Variants in SYCP2 observed in about 807,000 individuals in gnomAD.
SYCP2 encodes synaptonemal complex lateral element protein.
SYCP2 carries 55 observed loss-of-function variants against 211.3 expected under a neutral mutation model. The observed-to-expected ratio is 0.26, with a 90% confidence interval of 0.21 to 0.33. The LOEUF is 0.33. Among genes scored for constraint, SYCP2 ranks in the 10% least tolerant of loss-of-function variants. SYCP2 has a pLI of 1.00. For missense variants in SYCP2, 1,731 were observed against 1,752.0 expected (o/e 0.99, Z 0.21); for synonymous variants, 570 against 555.2 (o/e 1.03, Z -0.37).
chr20:59,899,055 T>C (rs977777079), intron 18 of SYCP2, among the ~76,000 whole-genome samples: 6 of 152,086 alleles, frequency 3.9e-5, no homozygotes, highest in African/African-American at 1.2e-4. Context: ...GATACTGATA[T>C]TTAAGGAAAA....
rs756656671 is a variant in SYCP2 at position 59,870,018 on chromosome 20, G to A, written c.3556-35C>T. ...AAGACATACAAAAACCCAATAAGAAGTTACAAAATTGTTCAAAGCCCCCCA... is the reference window on the plus strand; with the variant it reads ...AAGACATACAAAAACCCAATAAGAAATTACAAAATTGTTCAAAGCCCCCCA... On this transcript the variant is annotated intron_variant, in intron 35 of 44. Coordinates refer to ENST00000357552, the MANE Select transcript of SYCP2 (RefSeq NM_014258.4). 3 of 1,421,292 alleles carry A rather than the reference G, an allele frequency of 2.1e-6. No homozygotes were observed. In the Admixed American group the frequency reaches 6.5e-5, roughly 31 times the overall value. 88.0% of individuals were successfully genotyped at this position (1,421,292 alleles called of 1,614,324 possible). A position where few individuals can be genotyped will look rare whatever the true frequency, so the allele number is the denominator to read the frequency against.
At position 59,922,476 on chromosome 20, in the gene SYCP2, A is replaced by G. The variant is rs1455830173; in HGVS notation, c.-46-17T>C. 7 of 1,237,754 alleles carry G rather than the reference A, an allele frequency of 5.7e-6. No homozygotes were observed. Among genetic ancestry groups the G allele is most frequent in the African/African-American group, 3.1e-5 (2 of 64,392 alleles). The allele number at this position is 1,237,754 out of a possible 1,614,324, so 76.7% of individuals were successfully genotyped here. The stretch of plus-strand genomic sequence containing the variant: ...AATAAACACCTATAAAAGAAAACAT[A>G]TATTTTCTGTATCTCACAATCTGTT... On this transcript the variant is annotated splice_polypyrimidine_tract_variant and intron_variant, in intron 2 of 44. Coordinates refer to ENST00000357552, the MANE Select transcript of SYCP2 (RefSeq NM_014258.4).
rs565054964 is a variant in SYCP2 at position 59,866,870 on chromosome 20, T to C, written c.4126-281A>G. Among the ~76,000 whole-genome samples, 3 of 151,792 alleles carry C rather than the reference T, an allele frequency of 2.0e-5. No individual in the cohort carries two copies. The Admixed American group carries it at 2.0e-4, about 10-fold the overall frequency. ...GTATTTACAAAAATGCTGATGGTTA[T>C]AATTCTCTTCAAAGACACAGCCTAA... On this transcript the variant is annotated intron_variant, in intron 39 of 44. Coordinates refer to ENST00000357552, the MANE Select transcript of SYCP2 (RefSeq NM_014258.4).
chr20:59,870,092 T>A (rs2059422028), intron 35 of SYCP2, 109 bp from the exon 36 acceptor site: 1 of 648,100 alleles, frequency 1.5e-6, no homozygotes, highest in Non-Finnish European at 2.5e-6. Flanking sequence ...ACTGCAAAAC[T>A]ACTAATTCAC....
rs1219288708 is a variant in SYCP2, at chr20:59,874,965, A to T, written c.3349+306T>A. Among the ~76,000 whole-genome samples, 8 of 148,138 alleles carry T rather than the reference A, an allele frequency of 5.4e-5. No individual in the cohort carries two copies. In the South Asian group the frequency reaches 1.0e-3, roughly 19 times the overall value. On this transcript the variant is annotated intron_variant, in intron 34 of 44. Coordinates refer to ENST00000357552, the MANE Select transcript of SYCP2 (RefSeq NM_014258.4). ...CATGTTATTAAATATATATTGAGCT[A>T]AAAAAAAGCACATTAAAATTAAGTA...
At chr20:59,881,878 A>G (rs1483222354) in intron 28 of SYCP2, 67 bp downstream of exon 28, 1 of 1,274,008 alleles carries the variant, frequency 7.8e-7, no homozygotes, top group Non-Finnish European at 1.1e-6. Context: ...CATTCTATGT[A>G]ATAACTGCAT....
chr20:59,917,257 C>T (rs1426125000), intron 7 of SYCP2, among the ~76,000 whole-genome samples: 1 of 152,084 alleles, frequency 6.6e-6, no homozygotes, highest in African/African-American at 2.4e-5. Flanking sequence ...TAAAGACCAA[C>T]ACATCTTAAC....
chr20:59,878,929 A>ACTT (rs2059611761), intron 31 of SYCP2, among the ~76,000 whole-genome samples: 1 of 152,152 alleles, frequency 6.6e-6, no homozygotes. Flanking sequence ...TAATCTTGGC[A>ACTT]ATAAGTCAAC....
At position 59,921,434 on chromosome 20, in the gene SYCP2, T is replaced by C. The variant is rs1166680876; in HGVS notation, c.44A>G (p.Asp15Gly). 1.9e-6 allele frequency: 3 copies of C among 1,602,344 alleles called. No homozygotes were observed. The change falls in exon 4 of 45, where the codon GAT becomes GGT. Residue 15 changes from aspartate (D) to glycine (G), a missense_variant. Coordinates refer to ENST00000357552, the MANE Select transcript of SYCP2 (RefSeq NM_014258.4). ...PDLQQLEKCI[D>G]DALRKNDFKP... The stretch of plus-strand genomic sequence containing the variant: ...GAAATCATTTTTTCTTAAAGCATCA[T>C]CAATGCATTTTTCCAACTGCTAGAG...
chr20:59,890,832 T>A (rs1273936346), intron 24 of SYCP2, among the ~76,000 whole-genome samples: 1 of 148,186 alleles, frequency 6.7e-6, no homozygotes, highest in African/African-American at 2.6e-5. Context: ...ATTTAAAATT[T>A]AAATTTAAAG....
intron 43 of SYCP2, 48 bp downstream of exon 43, chr20:59,865,525 C>A (rs762621496): frequency 3.8e-6 from 6 of 1,573,188 alleles, no homozygotes; most frequent in South Asian, 2.3e-5. Context: ...TTAACAAATT[C>A]TTTTTGTAAT....
intron 15 of SYCP2, among the ~76,000 whole-genome samples, chr20:59,905,894 G>C (rs576710212): frequency 1.2e-3 from 189 of 152,216 alleles, no homozygotes; most frequent in Non-Finnish European, 2.3e-3. Flanking sequence ...GCAACAAAAG[G>C]AAAGGAGGGA....
chr20:59,877,945 AT>A, intron 32 of SYCP2, 62 bp downstream of exon 32: 4 of 1,293,504 alleles, frequency 3.1e-6, no homozygotes. Context: ...ATGATGAATT[AT>A]TTTTATATGG....
chr20:59,913,247 C>T (rs1480818798), intron 12 of SYCP2, among the ~76,000 whole-genome samples: 1 of 152,090 alleles, frequency 6.6e-6, no homozygotes, highest in Non-Finnish European at 1.5e-5. Context: ...ATTAATATAA[C>T]AGCTAAGGAA....
At chr20:59,902,378 A>T (rs1450865789) in intron 15 of SYCP2, among the ~76,000 whole-genome samples, 1 of 151,782 alleles carries the variant, frequency 6.6e-6, no homozygotes, top group Non-Finnish European at 1.5e-5. Context: ...AAATAGTCAC[A>T]CTCTCCCTCC....
At chr20:59,901,106 A>AT (rs2060107892) in intron 16 of SYCP2, among the ~76,000 whole-genome samples, 2 of 152,064 alleles carry the variant, frequency 1.3e-5, no homozygotes. Context: ...TCAATTGAAT[A>AT]TCTCCCCAAA....
rs547237372 is a variant in SYCP2, at chr20:59,915,468, A to T, written c.596T>A (p.Leu199His). 6.3e-7 allele frequency: 1 copy of T among 1,582,202 alleles called. No individual in the cohort carries two copies. Among genetic ancestry groups the T allele is most frequent in the Non-Finnish European group, 8.7e-7 (1 of 1,151,678 alleles). ...CCATATAAGTACAGATTATTACATG[A>T]GAATTAACATTTCTTGGTTAGAGAG... ...KILSNQEMLI[L>H]MSSMGERILD... Residue 199 changes from leucine (L) to histidine (H), a missense_variant, in exon 9 of 45, where the codon CTC becomes CAC. Physicochemically the swap from Leu to His is moderately conservative, Grantham distance 99 (BLOSUM62 -3). This residue lies in a region of SYCP2 where 335 missense variants were observed against 378.8 expected (regional missense o/e 0.88). Transcript: ENST00000357552.
chr20:59,882,184 A>G lies in SYCP2; in HGVS notation c.2530-19T>C. The stretch of plus-strand genomic sequence containing the variant: ...CTTTTTCCTGAAAAGAGGGTTATAA[A>G]AAAATCATTAAATGGCTAACAGGTA... On this transcript the variant is annotated intron_variant, in intron 26 of 44. Coordinates refer to ENST00000357552, the MANE Select transcript of SYCP2 (RefSeq NM_014258.4). 1 of 1,566,610 alleles carries G rather than the reference A, an allele frequency of 6.4e-7. No individual in the cohort carries two copies. Among genetic ancestry groups the G allele is most frequent in the East Asian group, 2.3e-5 (1 of 44,294 alleles).
Position 59,915,822 on chromosome 20 carries a change from C to T in SYCP2, c.514-272G>A, listed in dbSNP as rs6027197. On this transcript the variant is annotated intron_variant, in intron 8 of 44. Transcript: ENST00000357552. ...CAGCCTGGCCAACATAGTGAAACCC[C>T]GTCTCTACCAAAAATACAAAAATTA... 0.43 allele frequency: 88,337 copies of T among 205,460 alleles called. 23,901 individuals carry two copies. The highest frequency in any genetic ancestry group is 0.83 in the African/African-American group (35,842 of 43,062). 12.7% of individuals were successfully genotyped at this position (205,460 alleles called of 1,614,324 possible).
Sources: allele counts gnomAD v4.1 joint callset (sites outside exome capture counted in the v4.1 genomes callset), GRCh38; gene constraint gnomAD v4.1.1; regional missense constraint gnomAD v4.1.1; transcripts MANE v1.5; gene names NCBI Gene and HGNC (gene_info 2026-07-23, HGNC 2026-07-21).